The following CLSTN1 variants were observed in gnomAD, a reference collection of about 807,000 sequenced individuals.
The protein encoded by CLSTN1 is calsyntenin-1.
A neutral mutation model predicts 108.3 loss-of-function variants in CLSTN1; 28 were observed. The ratio of observed to expected loss-of-function variants is 0.26; its 90% CI spans 0.19 to 0.35. The LOEUF is 0.35. Ranked by LOEUF, CLSTN1 falls within the 10% of genes least tolerant of loss-of-function variation. The pLI, the probability that CLSTN1 is intolerant of heterozygous loss-of-function variation, is 1.00. For missense variants in CLSTN1, 1,157 were observed against 1,302.6 expected (o/e 0.89, Z 1.72); for synonymous variants, 524 against 534.9 (o/e 0.98, Z 0.28).
At chr1:9,731,450 T>G in intron 17 of CLSTN1, 60 bp from the exon 18 acceptor site, 1 of 1,557,544 alleles carries the variant, frequency 6.4e-7, no homozygotes, top group Non-Finnish European at 8.8e-7. Flanking sequence ...CACTGTGCCC[T>G]TGACCTCCTC....
rs558657408 is a variant in CLSTN1, at chr1:9,754,484, G to A, written c.440+630C>T. ...TGAGGCAGAAAAATCACTTGAAACCGGAAGGCGGAGGTTCCAATGAGCCAA... is the reference window on the plus strand; with the variant it reads ...TGAGGCAGAAAAATCACTTGAAACCAGAAGGCGGAGGTTCCAATGAGCCAA... On this transcript the variant is annotated intron_variant, in intron 4 of 18. Transcript: ENST00000377298. 3.8e-4 allele frequency among the ~76,000 whole-genome samples: 58 copies of A among 152,030 alleles called. 1 individual carries two copies. The South Asian group carries it at 0.01, about 27-fold the overall frequency.
chr1:9,803,780 C>T (rs928498017), intron 1 of CLSTN1, among the ~76,000 whole-genome samples: 2 of 151,772 alleles, frequency 1.3e-5, no homozygotes, highest in Non-Finnish European at 2.9e-5. Flanking sequence ...CCAGCCTGGG[C>T]AACAGAGCAA....
chr1:9,806,069 C>T lies in CLSTN1; in HGVS notation c.91+17574G>A, dbSNP rs527858320. ...TTTTGGGAGGCCAAGGCAGGTGGAT[C>T]GCTTGAGGTCAGGAGTTCAAGACCA... On this transcript the variant is annotated intron_variant, in intron 1 of 18. Transcript: ENST00000377298. Among the ~76,000 whole-genome samples, 8 of 152,148 alleles carry T rather than the reference C, an allele frequency of 5.3e-5. No individual in the cohort carries two copies. In the East Asian group the frequency reaches 7.7e-4, roughly 15 times the overall value.
chr1:9,783,591 C>T (rs1653348661), intron 1 of CLSTN1, among the ~76,000 whole-genome samples: 1 of 151,816 alleles, frequency 6.6e-6, no homozygotes, highest in African/African-American at 2.4e-5. Flanking sequence ...CACAGTGTCT[C>T]GCGCCTGTAA....
intron 1 of CLSTN1, among the ~76,000 whole-genome samples, chr1:9,779,585 A>G (rs1190293626): frequency 6.6e-6 from 1 of 152,144 alleles, no homozygotes; most frequent in Non-Finnish European, 1.5e-5. Context: ...CTGTCTCAAA[A>G]AACAAAAAAA....
intron 1 of CLSTN1, among the ~76,000 whole-genome samples, chr1:9,785,829 C>A (rs1181782970): frequency 6.7e-6 from 1 of 150,038 alleles, no homozygotes; most frequent in East Asian, 1.9e-4. Flanking sequence ...GGGTCTCACT[C>A]TGTCTCAGAG....
intron 1 of CLSTN1, among the ~76,000 whole-genome samples, chr1:9,776,338 C>A (rs1652941162): frequency 6.6e-6 from 1 of 152,144 alleles, no homozygotes; most frequent in South Asian, 2.1e-4. Flanking sequence ...AAGAGCAAAT[C>A]CTTCTGGCTT....
At chr1:9,733,229 C>G (rs1257698478) in intron 16 of CLSTN1, among the ~76,000 whole-genome samples, 172 bp downstream of exon 16, 3 of 152,166 alleles carry the variant, frequency 2.0e-5, no homozygotes, top group Non-Finnish European at 4.4e-5. Flanking sequence ...TCCAACAAGC[C>G]CAGGTGTAAC....
chr1:9,760,277 A>C (rs1052958572), intron 2 of CLSTN1, among the ~76,000 whole-genome samples: 1 of 152,146 alleles, frequency 6.6e-6, no homozygotes, highest in African/African-American at 2.4e-5. Flanking sequence ...AGGACTTAAA[A>C]AACCAACTCG....
intron 7 of CLSTN1, among the ~76,000 whole-genome samples, chr1:9,748,701 C>G (rs1651403888): frequency 6.6e-6 from 1 of 152,150 alleles, no homozygotes; most frequent in Non-Finnish European, 1.5e-5. Context: ...GTTGGTCAGG[C>G]TGGTCTCGAA....
At chr1:9,802,068 T>C (rs1220991615) in intron 1 of CLSTN1, among the ~76,000 whole-genome samples, 1 of 152,174 alleles carries the variant, frequency 6.6e-6, no homozygotes, top group African/African-American at 2.4e-5. Context: ...ATCCCCATTT[T>C]ACAGATGAAG....
In CLSTN1 at chr1:9,761,601, T is replaced by C. The variant is rs142471005; in HGVS notation, c.215-5091A>G. On this transcript the variant is annotated intron_variant, in intron 2 of 18. Transcript: ENST00000377298. ...AAAGTATGGATTTGACTTCTGGATA[T>C]CCAAAGTCACGTGCAGGGTTCTCAG... Among the ~76,000 whole-genome samples, 657 of 152,266 alleles carry C rather than the reference T, an allele frequency of 4.3e-3. 12 individuals are homozygous for C. The highest frequency in any genetic ancestry group is 0.043 in the East Asian group (222 of 5,176).
In CLSTN1 at chr1:9,773,387, C is replaced by G; in HGVS notation, c.99G>C (p.Lys33Asn). ...GGGVWAARVN[K>N]HKPWLEPTYH... Reference sequence around the variant, plus strand: ...AGGTGGGCTCCAGCCAGGGCTTGTGCTTGTTAACTGTGTTTAAAACAAGAG... The same window carrying G: ...AGGTGGGCTCCAGCCAGGGCTTGTGGTTGTTAACTGTGTTTAAAACAAGAG... The change falls in exon 2 of 19, where the codon AAG (lysine) becomes AAC (asparagine). Residue 33 changes from lysine (K) to asparagine (N), a missense_variant. Lys to Asn is a moderately conservative substitution (Grantham distance 94, BLOSUM62 0). Transcript: ENST00000377298. The G allele has an allele frequency of 6.2e-7, 1 of 1,609,706 alleles. No individual in the cohort carries two copies. Among genetic ancestry groups the G allele is most frequent in the Non-Finnish European group, 8.5e-7 (1 of 1,178,052 alleles).
Position 9,734,409 on chromosome 1 carries a change from T to C in CLSTN1, c.2111-267A>G, listed in dbSNP as rs1650571930. On this transcript the variant is annotated intron_variant, in intron 14 of 18. Coordinates refer to ENST00000377298, the MANE Select transcript of CLSTN1 (RefSeq NM_001009566.3). The surrounding 1 kb of genome is among the most constrained non-coding windows in gnomAD (Gnocchi z 4.8). ...GGCCAACAGGGTGAAAGCCCGTCTC[T>C]ACTAAAAATACAAAAATTAACCGGG... Among the ~76,000 whole-genome samples, 1 of 152,068 alleles carries C rather than the reference T, an allele frequency of 6.6e-6. No individual in the cohort carries two copies. The highest frequency in any genetic ancestry group is 2.1e-4 in the South Asian group (1 of 4,820).
intron 1 of CLSTN1, among the ~76,000 whole-genome samples, chr1:9,810,578 C>T (rs1160753058): frequency 2.0e-5 from 3 of 151,532 alleles, no homozygotes; most frequent in African/African-American, 7.3e-5. Context: ...AGTTCGAGAC[C>T]AGGCTGGCCA....
intron 15 of CLSTN1, 48 bp downstream of exon 15, chr1:9,733,924 C>A (rs770619388): frequency 1.3e-6 from 2 of 1,556,626 alleles, no homozygotes; most frequent in East Asian, 2.3e-5. Context: ...CTCTCAAAGT[C>A]CCCTCTTGCA....
At chr1:9,731,052 T>C (rs896478286) in intron 18 of CLSTN1, 154 bp downstream of exon 18, 10 of 859,074 alleles carry the variant, frequency 1.2e-5, no homozygotes, top group Non-Finnish European at 1.7e-5. Context: ...TCTCTCAGCC[T>C]CGGTTTACCC....
At position 9,731,915 on chromosome 1, in the gene CLSTN1, G is replaced by A; in HGVS notation, c.2428-19C>T. ...CATTCACCTATAGCAGAGAAAGAGA[G>A]GATCGCTGGAGACAGGCATCCTGAG... is the stretch of plus-strand genomic sequence containing the variant. On this transcript the variant is annotated intron_variant, in intron 16 of 18. Coordinates refer to ENST00000377298, the MANE Select transcript of CLSTN1 (RefSeq NM_001009566.3). 1 of 1,614,034 alleles carries A rather than the reference G, an allele frequency of 6.2e-7. No homozygotes were observed. The highest frequency in any genetic ancestry group is 8.5e-7 in the Non-Finnish European group (1 of 1,179,950).
chr1:9,758,458 C>T (rs775519632), intron 2 of CLSTN1, among the ~76,000 whole-genome samples: 2 of 151,892 alleles, frequency 1.3e-5, no homozygotes, highest in Non-Finnish European at 2.9e-5. Flanking sequence ...GGATTACAGG[C>T]GCCTGCCACC....
Sources: gnomAD v4.1 joint callset for allele counts (sites outside exome capture counted in the v4.1 genomes callset) on GRCh38, gnomAD v4.1.1 for gene constraint, Gnocchi (gnomAD v3.1) non-coding constraint, MANE v1.5 for transcripts, NCBI Gene and HGNC (gene_info 2026-07-23, HGNC 2026-07-21) for gene names.